Variants in PTPRT observed in about 807,000 individuals in gnomAD.
PTPRT encodes receptor-type tyrosine-protein phosphatase T.
PTPRT carries 56 observed loss-of-function variants against 176.8 expected under a neutral mutation model. That is an observed-to-expected ratio of 0.32 (90% CI 0.26 to 0.40). PTPRT has a LOEUF of 0.40. Among genes scored for constraint, PTPRT ranks in the 10% least tolerant of loss-of-function variants. The pLI is 1.00. For synonymous variants in PTPRT, 783 were observed against 739.0 expected (o/e 1.06, Z -0.96); for missense variants, 1,540 against 1,908.2 (o/e 0.81, Z 3.60).
intron 9 of PTPRT, among the ~76,000 whole-genome samples, chr20:42,421,625 C>A (rs2059120000): frequency 6.6e-6 from 1 of 152,042 alleles, no homozygotes; most frequent in South Asian, 2.1e-4. Flanking sequence ...AATTGCCATA[C>A]TACCCAAAGC....
intron 1 of PTPRT, among the ~76,000 whole-genome samples, chr20:43,014,540 G>A (rs867652019): frequency 3.9e-5 from 6 of 152,166 alleles, no homozygotes; most frequent in South Asian, 2.1e-4. Context: ...ATGACCAGAC[G>A]AGGAGAATTA....
chr20:42,204,974 C>T (rs367952045), intron 15 of PTPRT, among the ~76,000 whole-genome samples: 26 of 138,912 alleles, frequency 1.9e-4, no homozygotes, highest in Non-Finnish European at 3.5e-4. Context: ...GAAGGAATTT[C>T]TTTTTTTTTT....
chr20:42,360,623 C>A (rs2058420028), intron 9 of PTPRT, among the ~76,000 whole-genome samples: 1 of 152,190 alleles, frequency 6.6e-6, no homozygotes, highest in Non-Finnish European at 1.5e-5. Flanking sequence ...TGCAATACTT[C>A]TTGGGTTTCT....
chr20:42,277,894 A>ATCCT (rs2057069242), intron 13 of PTPRT, among the ~76,000 whole-genome samples: 1 of 148,644 alleles, frequency 6.7e-6, no homozygotes, highest in Non-Finnish European at 1.5e-5. Flanking sequence ...TCATCCATCC[A>ATCCT]TCCATCCATC....
At chr20:42,896,419 C>T (rs148925060) in intron 1 of PTPRT, among the ~76,000 whole-genome samples, 1,726 of 152,186 alleles carry the variant, frequency 0.011, 19 homozygotes, top group Non-Finnish European at 0.016. Flanking sequence ...GGTGGATCTC[C>T]TGAGGCTGGA....
At chr20:43,179,825 G>C (rs1022084346) in intron 1 of PTPRT, among the ~76,000 whole-genome samples, 1 of 152,224 alleles carries the variant, frequency 6.6e-6, no homozygotes, top group Non-Finnish European at 1.5e-5. Flanking sequence ...CCACACTTGT[G>C]TGTGACTTCA....
chr20:42,243,603 T>C (rs1257095373), intron 14 of PTPRT, among the ~76,000 whole-genome samples: 2 of 152,010 alleles, frequency 1.3e-5, no homozygotes, highest in East Asian at 1.9e-4. Context: ...AAGAAGAAAA[T>C]AGCGAAATTG....
chr20:42,492,314 G>A (rs776997854), intron 7 of PTPRT, among the ~76,000 whole-genome samples: 12 of 152,280 alleles, frequency 7.9e-5, no homozygotes, highest in Non-Finnish European at 1.6e-4. Context: ...CAGCAACGTA[G>A]GAGAGATCCA....
intron 11 of PTPRT, among the ~76,000 whole-genome samples, chr20:42,320,004 C>G (rs894933915): frequency 5.9e-5 from 9 of 152,164 alleles, no homozygotes; most frequent in Non-Finnish European, 1.0e-4. Context: ...AGCATTTACT[C>G]ATACATTTTC....
chr20:42,039,702 A>ATATATATATATATATATATAT, the PTPRT span, among the ~76,000 whole-genome samples: 1 of 142,516 alleles, frequency 7.0e-6, no homozygotes, highest in Non-Finnish European at 1.6e-5. Context: ...GTATATATAT[A>ATATATATATATATATATATAT]GTAATGTATA....
At position 42,717,745 on chromosome 20, in the gene PTPRT, T is replaced by C. The variant is rs372775460; in HGVS notation, c.859+38717A>G. On this transcript the variant is annotated intron_variant, in intron 6 of 30. Transcript: ENST00000373187. ...GCTACAGAAAGAAAAAGGATATTTA[T>C]GATATGTATACAAGGACTCAGATCT... 3.5e-4 allele frequency among the ~76,000 whole-genome samples: 53 copies of C among 152,320 alleles called. No individual in the cohort carries two copies. The South Asian group carries it at 0.01, about 29-fold the overall frequency.
Position 42,383,409 on chromosome 20 carries a change from C to A in PTPRT, c.1561-31124G>T, listed in dbSNP as rs916325. On this transcript the variant is annotated intron_variant, in intron 9 of 30. Coordinates refer to ENST00000373187, the MANE Select transcript of PTPRT (RefSeq NM_007050.6). Reference sequence around the variant, plus strand: ...ATGCTGGCAGAAGGACACTGCTAAGCAGGGATAGACAAAAAAAAAAAACAA... The same window carrying A: ...ATGCTGGCAGAAGGACACTGCTAAGAAGGGATAGACAAAAAAAAAAAACAA... Among the ~76,000 whole-genome samples, 26 of 129,624 alleles carry A rather than the reference C, an allele frequency of 2.0e-4. No homozygotes were observed. The East Asian group carries it at 6.2e-3, about 31-fold the overall frequency. 85.0% of individuals were successfully genotyped at this position (129,624 alleles called of 152,430 possible). A position where few individuals can be genotyped will look rare whatever the true frequency, so the allele number is the denominator to read the frequency against.
intron 11 of PTPRT, among the ~76,000 whole-genome samples, chr20:42,341,954 G>A (rs1258265976): frequency 6.6e-6 from 1 of 152,200 alleles, no homozygotes; most frequent in Non-Finnish European, 1.5e-5. Context: ...TAACACCAGA[G>A]CCAATTCTTG....
At chr20:42,383,909 T>A (rs905000753) in intron 9 of PTPRT, among the ~76,000 whole-genome samples, 3 of 152,208 alleles carry the variant, frequency 2.0e-5, no homozygotes, top group Non-Finnish European at 4.4e-5. Flanking sequence ...CTAGGTGATG[T>A]TGGTTGCATT....
At chr20:42,808,960 G>T (rs1355114688) in intron 2 of PTPRT, among the ~76,000 whole-genome samples, 2 of 152,208 alleles carry the variant, frequency 1.3e-5, no homozygotes, top group East Asian at 3.9e-4. Context: ...TGACCTTTCA[G>T]ATCTCTCATC....
At chr20:42,083,332 T>A (rs1296551963) in intron 29 of PTPRT, among the ~76,000 whole-genome samples, 3 of 152,068 alleles carry the variant, frequency 2.0e-5, no homozygotes, top group Non-Finnish European at 4.4e-5. Context: ...GTGGGAGGCA[T>A]CTGGGCATCT....
At chr20:42,184,014 G>T (rs1016872930) in intron 16 of PTPRT, among the ~76,000 whole-genome samples, 1 of 152,094 alleles carries the variant, frequency 6.6e-6, no homozygotes, top group Non-Finnish European at 1.5e-5. Flanking sequence ...TTAGCATAGG[G>T]GTTGAATATG....
intron 2 of PTPRT, among the ~76,000 whole-genome samples, chr20:42,858,480 T>C (rs1391350142): frequency 6.6e-6 from 1 of 152,120 alleles, no homozygotes. Context: ...GCCAAGGTGA[T>C]GGTATTAAGC....
chr20:42,623,229 C>A (rs1232682914), intron 7 of PTPRT, among the ~76,000 whole-genome samples: 1 of 152,222 alleles, frequency 6.6e-6, no homozygotes, highest in Non-Finnish European at 1.5e-5. Flanking sequence ...TAGCTGTCTG[C>A]AGATTGCAAA....
Sources: gnomAD v4.1 joint callset for allele counts (sites outside exome capture counted in the v4.1 genomes callset) on GRCh38, gnomAD v4.1.1 for gene constraint, MANE v1.5 for transcripts, NCBI Gene and HGNC (gene_info 2026-07-23, HGNC 2026-07-21) for gene names.